The following CUEDC1 variants were observed in gnomAD, a reference collection of about 807,000 sequenced individuals.
CUEDC1 encodes CUE domain-containing protein 1.
A neutral mutation model predicts 43.7 loss-of-function variants in CUEDC1; 30 were observed. The ratio of observed to expected loss-of-function variants is 0.69; its 90% CI spans 0.51 to 0.93. The LOEUF (loss-of-function observed/expected upper bound fraction) is 0.93, where lower values mean the gene tolerates loss of function less well. Ranked by LOEUF, CUEDC1 falls within the 40% of genes least tolerant of loss-of-function variation. CUEDC1 has a pLI of 0.00. For synonymous variants in CUEDC1, 223 were observed against 223.6 expected, an observed-to-expected ratio of 1.00 and a Z score of 0.02; for missense variants, 486 against 549.0, an observed-to-expected ratio of 0.89 and a Z score of 1.15.
At chr17:57,877,929 C>G (rs970836749) in intron 3 of CUEDC1, among the ~76,000 whole-genome samples, 20 of 151,766 alleles carry the variant, frequency 1.3e-4, no homozygotes, top group Non-Finnish European at 2.4e-4. Context: ...ATCATTTAGC[C>G]CAGGGCTCTG....
intron 6 of CUEDC1, among the ~76,000 whole-genome samples, chr17:57,869,483 T>C (rs2074007101): frequency 6.6e-6 from 1 of 152,212 alleles, no homozygotes; most frequent in South Asian, 2.1e-4. Context: ...CCATGTTTCA[T>C]GACATCACCT....
In CUEDC1 at chr17:57,871,423, G is replaced by A. The variant is rs1292411828; in HGVS notation, c.785-54C>T. On this transcript the variant is annotated intron_variant, in intron 5 of 10. Coordinates refer to ENST00000577830, the MANE Select transcript of CUEDC1 (RefSeq NM_001271875.2). ...GGAGGTTAGCTCCTGGGCTCCCAGG[G>A]GCAGGCTGGGCTGGGACACGGTAGT... The A allele has an allele frequency of 6.3e-5, 92 of 1,457,728 alleles. 1 individual carries two copies. In the East Asian group the frequency reaches 1.9e-3, roughly 30 times the overall value. The allele number at this position is 1,457,728 out of a possible 1,614,324, so 90.3% of individuals were successfully genotyped here. A position where few individuals can be genotyped will look rare whatever the true frequency, so the allele number is the denominator to read the frequency against.
At chr17:57,917,523 A>G (rs1274078528) in intron 1 of CUEDC1, among the ~76,000 whole-genome samples, 1 of 152,190 alleles carries the variant, frequency 6.6e-6, no homozygotes, top group Non-Finnish European at 1.5e-5. Context: ...CAAGGATAAC[A>G]ATAATACTTA....
Position 57,873,714 on chromosome 17 carries a change from G to T in CUEDC1, c.468C>A (p.Ile156=), listed in dbSNP as rs111753270. ...PLAPPTPPPR[I]DALGSGAPTS... ...TAGGGGCTCCAGAGCCCAGCGCGTC[G>T]ATACTAGGGGATGGCAGGTGACAGG... The change falls in exon 4 of 11, where the codon ATC becomes ATA. Residue 156 remains isoleucine, a synonymous_variant. Coordinates refer to ENST00000577830, the MANE Select transcript of CUEDC1 (RefSeq NM_001271875.2). The T allele has an allele frequency of 1.0e-5, 16 of 1,570,744 alleles. 1 individual carries two copies. The Admixed American group carries it at 3.0e-4, about 29-fold the overall frequency.
intron 5 of CUEDC1, among the ~76,000 whole-genome samples, chr17:57,872,099 C>G (rs1156914467): frequency 1.3e-5 from 2 of 152,218 alleles, no homozygotes; most frequent in East Asian, 3.9e-4. Context: ...AGGGACAGAG[C>G]TCCACAGCCC....
chr17:57,933,482 GCCACT>G (rs2074830038), intron 1 of CUEDC1, among the ~76,000 whole-genome samples: 1 of 152,096 alleles, frequency 6.6e-6, no homozygotes, highest in African/African-American at 2.4e-5. Context: ...AGATGAAGAA[GCCACT>G]TTCATCTCCC....
chr17:57,872,679 G>A lies in CUEDC1; in HGVS notation c.768C>T (p.Leu256=), dbSNP rs1308521016. The A allele has an allele frequency of 1.9e-6, 3 of 1,613,992 alleles. No homozygotes were observed. Among genetic ancestry groups the A allele is most frequent in the African/African-American group, 1.3e-5 (1 of 74,942 alleles). Residue 256 remains leucine (L), a synonymous_variant, in exon 5 of 11, where the codon CTC becomes CTT. Coordinates refer to ENST00000577830, the MANE Select transcript of CUEDC1 (RefSeq NM_001271875.2). Reference sequence around the variant, plus strand: ...GCTGCCCACCTCTCTCCAGAGCGAGGAGGAAGTCGCGGTTCCGTTGCAGCT... The same window carrying A: ...GCTGCCCACCTCTCTCCAGAGCGAGAAGGAAGTCGCGGTTCCGTTGCAGCT... ...MKELQRNRDF[L]LALERDRLKY... is the part of the protein sequence containing the mutation.
At chr17:57,905,290 A>ACACACACACACT (rs1007711626) in intron 1 of CUEDC1, among the ~76,000 whole-genome samples, 2 of 145,582 alleles carry the variant, frequency 1.4e-5, no homozygotes, top group African/African-American at 5.1e-5. Context: ...ACACACACAC[A>ACACACACACACT]CTCCAGCCTG....
At chr17:57,928,757 G>A (rs938459468) in intron 1 of CUEDC1, among the ~76,000 whole-genome samples, 21 of 137,812 alleles carry the variant, frequency 1.5e-4, no homozygotes, top group African/African-American at 5.4e-4. Flanking sequence ...ACCTGGCACT[G>A]AAAGTCCACC....
intron 3 of CUEDC1, among the ~76,000 whole-genome samples, chr17:57,875,628 G>A (rs565332327): frequency 2.0e-4 from 30 of 152,230 alleles, no homozygotes; most frequent in Non-Finnish European, 3.5e-4. Flanking sequence ...AACAGCAGGC[G>A]GCCTGTGTGG....
At chr17:57,900,991 T>C (rs900212530) in intron 1 of CUEDC1, among the ~76,000 whole-genome samples, 7 of 152,244 alleles carry the variant, frequency 4.6e-5, no homozygotes, top group African/African-American at 1.7e-4. Flanking sequence ...CCATATTCTC[T>C]AACCCACTAT....
At chr17:57,931,255 G>A (rs143390903) in intron 1 of CUEDC1, among the ~76,000 whole-genome samples, 1 of 151,874 alleles carries the variant, frequency 6.6e-6, no homozygotes, top group Non-Finnish European at 1.5e-5. Context: ...CTCCAGCCTG[G>A]GTGACTAAGT....
intron 4 of CUEDC1, among the ~76,000 whole-genome samples, 186 bp downstream of exon 4, chr17:57,873,404 AC>A (rs1173982802): frequency 2.0e-5 from 3 of 152,124 alleles, no homozygotes; most frequent in Admixed American, 6.5e-5. Flanking sequence ...AGAACAGGAA[AC>A]CTCCAGGCCC....
intron 1 of CUEDC1, among the ~76,000 whole-genome samples, chr17:57,944,368 G>A (rs554203691): frequency 1.2e-3 from 188 of 151,850 alleles, no homozygotes; most frequent in Non-Finnish European, 2.0e-3. Context: ...GCGCCACCAC[G>A]CCCGGCTAAT....
At chr17:57,878,534 G>A (rs935745735) in intron 3 of CUEDC1, among the ~76,000 whole-genome samples, 2 of 152,054 alleles carry the variant, frequency 1.3e-5, no homozygotes, top group African/African-American at 4.8e-5. Context: ...CTAAGAAACA[G>A]CAGCTCTAGG....
intron 3 of CUEDC1, among the ~76,000 whole-genome samples, chr17:57,878,401 T>C (rs746579479): frequency 2.0e-4 from 30 of 152,158 alleles, no homozygotes; most frequent in Non-Finnish European, 3.5e-4. Context: ...CTAGCTACAC[T>C]TGTATGATAA....
intron 1 of CUEDC1, among the ~76,000 whole-genome samples, chr17:57,915,483 T>A (rs2074629916): frequency 1.3e-5 from 2 of 152,286 alleles, no homozygotes; most frequent in South Asian, 4.1e-4. Flanking sequence ...GAAGTCTTTT[T>A]TTAATGAATG....
At chr17:57,894,279 C>A (rs934893128) in intron 1 of CUEDC1, among the ~76,000 whole-genome samples, 19 of 152,236 alleles carry the variant, frequency 1.2e-4, no homozygotes, top group Non-Finnish European at 7.3e-5. Flanking sequence ...ATGAGCTGTG[C>A]AGGCTGGGCA....
At chr17:57,951,895 AAAG>A (rs2075010713) in intron 1 of CUEDC1, among the ~76,000 whole-genome samples, 1 of 152,238 alleles carries the variant, frequency 6.6e-6, no homozygotes, top group Non-Finnish European at 1.5e-5. Context: ...GACCTGCTTT[AAAG>A]ATAAGACATT....
Sources: allele counts gnomAD v4.1 joint callset (sites outside exome capture counted in the v4.1 genomes callset), GRCh38; gene constraint gnomAD v4.1.1; transcripts MANE v1.5; gene names NCBI Gene and HGNC (gene_info 2026-07-23, HGNC 2026-07-21).